Variants in RPS6KC1 observed in about 807,000 individuals in gnomAD.
The protein encoded by RPS6KC1 is inactive ribosomal protein S6 kinase delta-1.
RPS6KC1 carries 54 observed loss-of-function variants against 103.8 expected under a neutral mutation model. The ratio of observed to expected loss-of-function variants is 0.52; its 90% confidence interval spans 0.42 to 0.65. RPS6KC1 has a LOEUF of 0.65. Ranked by LOEUF, RPS6KC1 falls within the 30% of genes least tolerant of loss-of-function variation. RPS6KC1 has a pLI of 0.00. For missense variants in RPS6KC1, 1,151 were observed against 1,253.8 expected, an observed-to-expected ratio of 0.92 and a Z score of 1.24; for synonymous variants, 439 against 438.7, an observed-to-expected ratio of 1.00 and a Z score of -0.01.
intron 8 of RPS6KC1, among the ~76,000 whole-genome samples, chr1:213,213,067 A>G (rs2093558576): frequency 6.6e-6 from 1 of 152,168 alleles, no homozygotes; most frequent in African/African-American, 2.4e-5. Context: ...TTTTAATTTT[A>G]ACAAAGTCTA....
chr1:213,812,717 C>A, the RPS6KC1 span, among the ~76,000 whole-genome samples: 1 of 152,126 alleles, frequency 6.6e-6, no homozygotes, highest in African/African-American at 2.4e-5. Flanking sequence ...ACAGAGCAAG[C>A]CTTGAGGGAA....
the RPS6KC1 span, among the ~76,000 whole-genome samples, chr1:213,715,815 C>T: frequency 6.6e-6 from 1 of 152,102 alleles, no homozygotes; most frequent in Non-Finnish European, 1.5e-5. Context: ...AGAAATCAGC[C>T]ATTCATTCTC....
chr1:213,779,888 G>T, the RPS6KC1 span, among the ~76,000 whole-genome samples: 12 of 152,152 alleles, frequency 7.9e-5, no homozygotes, highest in Non-Finnish European at 1.6e-4. Flanking sequence ...AATGTCTATA[G>T]TAAGAAGGAA....
chr1:213,254,136 A>G (rs1413244543), intron 12 of RPS6KC1, among the ~76,000 whole-genome samples: 1 of 150,128 alleles, frequency 6.7e-6, no homozygotes, highest in East Asian at 2.0e-4. Context: ...TGTTTTATTT[A>G]ATCTTATTTA....
chr1:213,369,688 A>C, the RPS6KC1 span, among the ~76,000 whole-genome samples: 2 of 152,252 alleles, frequency 1.3e-5, no homozygotes, highest in Non-Finnish European at 2.9e-5. Flanking sequence ...TGATCAAATT[A>C]ACTGGATAAT....
the RPS6KC1 span, among the ~76,000 whole-genome samples, chr1:213,824,944 A>G: frequency 4.1e-4 from 63 of 152,268 alleles, 1 homozygote; most frequent in African/African-American, 1.5e-3. Context: ...GCTGCTTCTC[A>G]CACAGGGATA....
At chr1:213,782,485 G>C in the RPS6KC1 span, among the ~76,000 whole-genome samples, 1 of 151,912 alleles carries the variant, frequency 6.6e-6, no homozygotes. Context: ...GGAAGAAAAG[G>C]CTTAGAAAAT....
the RPS6KC1 span, among the ~76,000 whole-genome samples, chr1:213,716,483 T>G: frequency 6.6e-6 from 1 of 152,198 alleles, no homozygotes; most frequent in African/African-American, 2.4e-5. Flanking sequence ...ATCTCAGGCC[T>G]CCTGTGAATA....
the RPS6KC1 span, among the ~76,000 whole-genome samples, chr1:213,298,390 T>C: frequency 6.6e-6 from 1 of 152,218 alleles, no homozygotes; most frequent in Non-Finnish European, 1.5e-5. Context: ...CCTTTATTTT[T>C]TTTCCTCTTT....
At chr1:213,690,907 C>T in the RPS6KC1 span, among the ~76,000 whole-genome samples, 1 of 152,156 alleles carries the variant, frequency 6.6e-6, no homozygotes, top group African/African-American at 2.4e-5. Context: ...GTCCAAGGTA[C>T]TCCTGGCTGT....
At chr1:213,426,151 A>C in the RPS6KC1 span, among the ~76,000 whole-genome samples, 1 of 152,134 alleles carries the variant, frequency 6.6e-6, no homozygotes, top group South Asian at 2.1e-4. Context: ...CCGCACTGCC[A>C]GGGTGTGAAC....
chr1:213,219,726 G>A (rs913398244), intron 8 of RPS6KC1, among the ~76,000 whole-genome samples: 5 of 152,044 alleles, frequency 3.3e-5, no homozygotes, highest in African/African-American at 1.2e-4. Context: ...GGATGAAGCT[G>A]GAAACCATCA....
the RPS6KC1 span, among the ~76,000 whole-genome samples, chr1:213,517,099 C>T: frequency 7.0e-4 from 106 of 152,192 alleles, no homozygotes; most frequent in African/African-American, 2.4e-3. Flanking sequence ...TTTATTGCAT[C>T]TATTTGATTC....
chr1:213,351,710 C>T, the RPS6KC1 span, among the ~76,000 whole-genome samples: 1 of 152,152 alleles, frequency 6.6e-6, no homozygotes, highest in Non-Finnish European at 1.5e-5. Flanking sequence ...GACAAAAGGG[C>T]TCTTCTAAAA....
the RPS6KC1 span, among the ~76,000 whole-genome samples, chr1:213,435,439 T>C: frequency 6.6e-6 from 1 of 152,364 alleles, no homozygotes; most frequent in Non-Finnish European, 1.5e-5. Flanking sequence ...TATTGCCTCA[T>C]TGGGTACTAG....
At chr1:213,614,896 A>G in the RPS6KC1 span, among the ~76,000 whole-genome samples, 7 of 152,070 alleles carry the variant, frequency 4.6e-5, no homozygotes, top group Admixed American at 6.5e-5. Context: ...GTTAATTGAG[A>G]CACAGGTCTT....
the RPS6KC1 span, among the ~76,000 whole-genome samples, chr1:213,702,851 T>TTTTG: frequency 0.29 from 44,022 of 151,250 alleles, 6,585 homozygotes; most frequent in Middle Eastern, 0.44. Context: ...TTGAGGTTTT[T>TTTTG]TTTGTTTGTT....
chr1:213,249,794 C>T lies in RPS6KC1; in HGVS notation c.2911+7136C>T, dbSNP rs529490466. ...AACCAGAAGTCATGTGGTAGTTACT[C>T]GTTTCTTATTTTATCTCACAAGAAA... On this transcript the variant is annotated intron_variant, in intron 12 of 14. Transcript: ENST00000366960. Among the ~76,000 whole-genome samples, 8 of 152,278 alleles carry T rather than the reference C, an allele frequency of 5.3e-5. No individual in the cohort carries two copies. The South Asian group carries it at 6.2e-4, about 12-fold the overall frequency.
At chr1:213,123,075 A>G (rs925028627) in intron 5 of RPS6KC1, among the ~76,000 whole-genome samples, 1 of 152,160 alleles carries the variant, frequency 6.6e-6, no homozygotes, top group African/African-American at 2.4e-5. Flanking sequence ...TTATTTCACA[A>G]TTACAGAGTT....
Sources: allele counts gnomAD v4.1 joint callset (sites outside exome capture counted in the v4.1 genomes callset), GRCh38; gene constraint gnomAD v4.1.1; transcripts MANE v1.5; gene names NCBI Gene and HGNC (gene_info 2026-07-23, HGNC 2026-07-21).